Variants in ERBB4 observed in about 807,000 individuals in gnomAD.
ERBB4 encodes the protein receptor tyrosine-protein kinase erbB-4.
In ERBB4, 42 loss-of-function variants were observed where a neutral mutation model predicts 158.0. The ratio of observed to expected loss-of-function variants is 0.27; its 90% CI spans 0.21 to 0.34. The LOEUF (loss-of-function observed/expected upper bound fraction) is 0.34. Among genes scored for constraint, ERBB4 ranks in the 10% least tolerant of loss-of-function variants. The pLI is 1.00. For missense variants in ERBB4, 1,333 were observed against 1,624.1 expected (o/e 0.82, Z 3.08); for synonymous variants, 583 against 558.7 (o/e 1.04, Z -0.61).
intron 20 of ERBB4, among the ~76,000 whole-genome samples, chr2:211,529,218 T>C (rs1209484904): frequency 6.6e-6 from 1 of 151,196 alleles, no homozygotes; most frequent in Non-Finnish European, 1.5e-5. Flanking sequence ...TAGTGGCTAC[T>C]AGGAGTAACA....
rs113497436 is a variant in ERBB4 at position 212,100,753 on chromosome 2, C to T, written c.234+23999G>A. Among the ~76,000 whole-genome samples the T allele has an allele frequency of 7.0e-3, 1,072 of 152,180 alleles. 5 individuals are homozygous for T. Among genetic ancestry groups the T allele is most frequent in the Middle Eastern group, 0.027 (8 of 294 alleles). ...ACCAAAGGAAGAAGCAATTATTCTG[C>T]CTGAGTAGGAGCAGGGAAGGTTTTA... On this transcript the variant is annotated intron_variant, in intron 2 of 27. Coordinates refer to ENST00000342788, the MANE Select transcript of ERBB4 (RefSeq NM_005235.3).
chr2:212,088,193 A>G (rs2078671779), intron 2 of ERBB4, among the ~76,000 whole-genome samples: 1 of 152,116 alleles, frequency 6.6e-6, no homozygotes, highest in South Asian at 2.1e-4. Context: ...TAAAGGGCAA[A>G]TCGAGCAGTA....
intron 2 of ERBB4, among the ~76,000 whole-genome samples, chr2:212,061,765 C>A (rs1255047596): frequency 6.8e-6 from 1 of 146,162 alleles, no homozygotes; most frequent in Non-Finnish European, 1.5e-5. Context: ...GACAGAGTCT[C>A]ACTCTTGCTG....
intron 1 of ERBB4, among the ~76,000 whole-genome samples, chr2:212,346,379 A>G (rs962105476): frequency 4.6e-5 from 7 of 152,222 alleles, no homozygotes; most frequent in Admixed American, 3.9e-4. Context: ...AGCCAAATAC[A>G]TAATGTCCGG....
intron 20 of ERBB4, among the ~76,000 whole-genome samples, chr2:211,484,916 C>A (rs1030569892): frequency 5.9e-5 from 9 of 152,188 alleles, no homozygotes; most frequent in Admixed American, 2.0e-4. Flanking sequence ...ACAAGTTGAA[C>A]AGTCCAGCAG....
At chr2:212,434,365 G>T (rs962912383) in intron 1 of ERBB4, among the ~76,000 whole-genome samples, 1 of 151,904 alleles carries the variant, frequency 6.6e-6, no homozygotes, top group East Asian at 1.9e-4. Context: ...TCTAGATGGT[G>T]CTTATGGATA....
chr2:212,117,946 CAAAAT>C (rs1413713275), intron 2 of ERBB4, among the ~76,000 whole-genome samples: 1 of 152,086 alleles, frequency 6.6e-6, no homozygotes, highest in Non-Finnish European at 1.5e-5. Flanking sequence ...TTTTCTAACT[CAAAAT>C]AATAAGTACT....
intron 1 of ERBB4, among the ~76,000 whole-genome samples, chr2:212,303,807 G>C (rs760059874): frequency 6.6e-6 from 1 of 151,436 alleles, no homozygotes; most frequent in Non-Finnish European, 1.5e-5. Flanking sequence ...TGTTTTCCCT[G>C]AGACACTTAG....
intron 1 of ERBB4, among the ~76,000 whole-genome samples, chr2:212,442,058 AG>A (rs549985899): frequency 1.9e-3 from 286 of 152,314 alleles, no homozygotes; most frequent in African/African-American, 6.6e-3. Flanking sequence ...CAACCATCAA[AG>A]GCAAGGTGGG....
At chr2:211,952,908 G>C (rs889033401) in intron 2 of ERBB4, among the ~76,000 whole-genome samples, 1 of 151,834 alleles carries the variant, frequency 6.6e-6, no homozygotes, top group African/African-American at 2.4e-5. Flanking sequence ...CATTACATAA[G>C]AACTGTTGCT....
At chr2:212,076,154 G>C (rs1413464150) in intron 2 of ERBB4, among the ~76,000 whole-genome samples, 3 of 151,696 alleles carry the variant, frequency 2.0e-5, no homozygotes, top group Non-Finnish European at 4.4e-5. Context: ...AAACACTTTT[G>C]GAGATATTTC....
At chr2:211,989,081 A>G (rs2082007010) in intron 2 of ERBB4, among the ~76,000 whole-genome samples, 1 of 152,022 alleles carries the variant, frequency 6.6e-6, no homozygotes, top group Admixed American at 6.6e-5. Flanking sequence ...TGTCCTTAAC[A>G]AAAGTCCTCT....
intron 13 of ERBB4, among the ~76,000 whole-genome samples, chr2:211,677,646 A>AGGT (rs2072135380): frequency 6.6e-6 from 1 of 151,842 alleles, no homozygotes; most frequent in African/African-American, 2.4e-5. Context: ...AGGCTGAGGC[A>AGGT]GGTGGATCAC....
chr2:212,422,330 C>A (rs2091811834), intron 1 of ERBB4, among the ~76,000 whole-genome samples: 1 of 152,060 alleles, frequency 6.6e-6, no homozygotes, highest in Non-Finnish European at 1.5e-5. Flanking sequence ...CATGCTGAAA[C>A]CCTGTCTCTA....
intron 19 of ERBB4, among the ~76,000 whole-genome samples, chr2:211,588,920 G>A (rs2068374704): frequency 2.6e-5 from 4 of 152,040 alleles, no homozygotes; most frequent in African/African-American, 7.2e-5. Context: ...CCTTTGCAAG[G>A]GGTGGAAAAA....
At chr2:211,665,520 G>A (rs1413512004) in intron 14 of ERBB4, 43 bp from the exon 15 acceptor site, 4 of 1,588,764 alleles carry the variant, frequency 2.5e-6, no homozygotes, top group East Asian at 2.2e-5. Context: ...GAAAAGTGGT[G>A]TCATTTCCTC....
chr2:212,142,920 G>T (rs1225478156), intron 1 of ERBB4, among the ~76,000 whole-genome samples: 1 of 151,402 alleles, frequency 6.6e-6, no homozygotes, highest in African/African-American at 2.4e-5. Context: ...TTGGAAAATA[G>T]ATGTTTAGGA....
chr2:212,391,862 A>G (rs1367576767), intron 1 of ERBB4, among the ~76,000 whole-genome samples: 2 of 149,230 alleles, frequency 1.3e-5, no homozygotes, highest in African/African-American at 2.5e-5. Flanking sequence ...AAGTATCTAC[A>G]TATGATTGTC....
chr2:211,453,095 G>T (rs2064289880), intron 20 of ERBB4, among the ~76,000 whole-genome samples: 1 of 152,098 alleles, frequency 6.6e-6, no homozygotes. Context: ...GCTTCTCAAG[G>T]ATTTGCTGTT....
Sources: allele counts gnomAD v4.1 joint callset (sites outside exome capture counted in the v4.1 genomes callset), GRCh38; gene constraint gnomAD v4.1.1; transcripts MANE v1.5; gene names NCBI Gene and HGNC (gene_info 2026-07-23, HGNC 2026-07-21).